Variants in SPIDR observed in about 807,000 individuals in gnomAD.
SPIDR encodes DNA repair-scaffolding protein.
In SPIDR, 93 loss-of-function variants were observed where a neutral mutation model predicts 104.6. That is an observed-to-expected ratio of 0.89 (90% confidence interval 0.75 to 1.06). The LOEUF is 1.06. SPIDR is among the 50% of genes least tolerant of loss of function. The probability of loss-of-function intolerance (pLI) is 0.00; values close to 1 mark genes in which losing one functional copy is unlikely to be tolerated. For missense variants in SPIDR, 1,154 were observed against 1,111.2 expected (o/e 1.04, Z -0.55); for synonymous variants, 431 against 416.9 (o/e 1.03, Z -0.41).
At chr8:47,349,135 AG>A (rs2052866882) in intron 5 of SPIDR, among the ~76,000 whole-genome samples, 1 of 152,020 alleles carries the variant, frequency 6.6e-6, no homozygotes, top group Admixed American at 6.6e-5. Flanking sequence ...ATGGGGTTTT[AG>A]TGTGGATGTC....
At chr8:47,710,929 G>T (rs538595615) in intron 14 of SPIDR, among the ~76,000 whole-genome samples, 1 of 151,760 alleles carries the variant, frequency 6.6e-6, no homozygotes, top group East Asian at 1.9e-4. Flanking sequence ...ACAGGCACTC[G>T]CCACCACACC....
intron 16 of SPIDR, among the ~76,000 whole-genome samples, chr8:47,726,770 G>A (rs1204320307): frequency 6.6e-6 from 1 of 152,086 alleles, no homozygotes; most frequent in East Asian, 1.9e-4. Context: ...GTCTTGCCCT[G>A]TCACCCAGGC....
chr8:47,578,790 G>A (rs959114036), intron 8 of SPIDR, among the ~76,000 whole-genome samples: 2 of 152,138 alleles, frequency 1.3e-5, no homozygotes, highest in African/African-American at 4.8e-5. Flanking sequence ...GATAAAAAGG[G>A]AATTAGACAA....
At chr8:47,499,911 C>A (rs141697712) in intron 8 of SPIDR, among the ~76,000 whole-genome samples, 18 of 152,030 alleles carry the variant, frequency 1.2e-4, no homozygotes, top group African/African-American at 4.3e-4. Context: ...TTTGTCCTTG[C>A]GATAGTTTGC....
intron 4 of SPIDR, among the ~76,000 whole-genome samples, chr8:47,291,961 C>G (rs2039986177): frequency 6.6e-6 from 1 of 152,156 alleles, no homozygotes; most frequent in South Asian, 2.1e-4. Flanking sequence ...GTAACACCTT[C>G]CTATGCCTGT....
At chr8:47,504,287 T>G (rs1311383549) in intron 8 of SPIDR, among the ~76,000 whole-genome samples, 1 of 152,228 alleles carries the variant, frequency 6.6e-6, no homozygotes, top group Non-Finnish European at 1.5e-5. Flanking sequence ...AGACATAGAT[T>G]TGGTCTTTTC....
intron 5 of SPIDR, among the ~76,000 whole-genome samples, chr8:47,299,487 G>A (rs1334312513): frequency 6.6e-6 from 1 of 152,106 alleles, no homozygotes; most frequent in Non-Finnish European, 1.5e-5. Flanking sequence ...CCAACACTAT[G>A]TTGAATAGGA....
intron 10 of SPIDR, among the ~76,000 whole-genome samples, chr8:47,661,471 A>G (rs2074095289): frequency 6.6e-6 from 1 of 152,238 alleles, no homozygotes; most frequent in Non-Finnish European, 1.5e-5. Flanking sequence ...TGGGTATTCT[A>G]TGGCAGGACA....
chr8:47,698,850 G>A, intron 11 of SPIDR, among the ~76,000 whole-genome samples: 1 of 152,190 alleles, frequency 6.6e-6, no homozygotes, highest in East Asian at 1.9e-4. Flanking sequence ...TCCCACTGTA[G>A]CATGTGAGGG....
intron 5 of SPIDR, among the ~76,000 whole-genome samples, chr8:47,362,124 G>C (rs1258082040): frequency 2.0e-5 from 3 of 152,192 alleles, no homozygotes; most frequent in Non-Finnish European, 4.4e-5. Context: ...TGCCACCTGT[G>C]TATTTGCATG....
intron 5 of SPIDR, among the ~76,000 whole-genome samples, chr8:47,356,145 A>G (rs1434967543): frequency 2.0e-5 from 3 of 152,246 alleles, no homozygotes; most frequent in African/African-American, 7.2e-5. Context: ...TCATGAGCTA[A>G]TGATTGAAAT....
intron 7 of SPIDR, among the ~76,000 whole-genome samples, chr8:47,409,662 TTA>T (rs1227912790): frequency 1.3e-5 from 2 of 152,216 alleles, no homozygotes; most frequent in Non-Finnish European, 2.9e-5. Context: ...CACTCAACTG[TTA>T]TGTTCTCAAC....
At chr8:47,721,742 T>C (rs2083433165) in intron 16 of SPIDR, among the ~76,000 whole-genome samples, 1 of 152,210 alleles carries the variant, frequency 6.6e-6, no homozygotes, top group Non-Finnish European at 1.5e-5. Flanking sequence ...CCCAAAGTGC[T>C]GGGATTACAG....
chr8:47,595,374 G>C (rs1352270411), intron 8 of SPIDR, among the ~76,000 whole-genome samples: 2 of 152,180 alleles, frequency 1.3e-5, no homozygotes, highest in Non-Finnish European at 2.9e-5. Context: ...ACTATAGTCA[G>C]TTTGATAGCA....
intron 10 of SPIDR, among the ~76,000 whole-genome samples, chr8:47,654,332 G>A (rs2072282946): frequency 6.6e-6 from 1 of 152,208 alleles, no homozygotes; most frequent in Admixed American, 6.5e-5. Context: ...ATGAGGAGGA[G>A]AATATTAAAA....
chr8:47,293,957 A>G lies in SPIDR; in HGVS notation c.452A>G (p.Glu151Gly). Reference protein sequence around the residue: ...DEFEDDEGAVEISDCASCASN... With the variant: ...DEFEDDEGAVGISDCASCASN... ...TTTGAAGATGACGAGGGTGCTGTGG[A>G]AATCTCAGACTGTGCTTCTTGTGCA... The change falls in exon 5 of 20, where the codon GAA (glutamate) becomes GGA (glycine). Residue 151 changes from glutamate to glycine, a missense_variant. Glu to Gly is a moderately conservative substitution (Grantham distance 98). Transcript: ENST00000297423. 3 of 1,614,200 alleles carry G rather than the reference A, an allele frequency of 1.9e-6. No individual in the cohort carries two copies. Among genetic ancestry groups the G allele is most frequent in the Non-Finnish European group, 2.5e-6 (3 of 1,180,040 alleles).
chr8:47,268,321 A>G (rs2034519098), intron 1 of SPIDR, among the ~76,000 whole-genome samples: 1 of 152,182 alleles, frequency 6.6e-6, no homozygotes, highest in Admixed American at 6.5e-5. Context: ...TTTTGGGTTC[A>G]TTACATTTCC....
chr8:47,605,591 A>T (rs569726871), intron 10 of SPIDR, among the ~76,000 whole-genome samples: 15 of 152,328 alleles, frequency 9.8e-5, no homozygotes, highest in African/African-American at 3.4e-4. Flanking sequence ...AAGAACAAAA[A>T]ATCTGGAATC....
intron 8 of SPIDR, among the ~76,000 whole-genome samples, chr8:47,474,672 A>C (rs1221976518): frequency 1.3e-5 from 2 of 152,254 alleles, no homozygotes; most frequent in Non-Finnish European, 1.5e-5. Flanking sequence ...CTGTGTCAAC[A>C]AAAAAGATAA....
Sources: allele counts gnomAD v4.1 joint callset (sites outside exome capture counted in the v4.1 genomes callset), GRCh38; gene constraint gnomAD v4.1.1; transcripts MANE v1.5; gene names NCBI Gene and HGNC (gene_info 2026-07-23, HGNC 2026-07-21).